Variants in TMC5 observed in about 807,000 individuals in gnomAD.
The protein encoded by TMC5 is transmembrane channel-like protein 5.
A neutral mutation model predicts 110.5 loss-of-function variants in TMC5; 86 were observed. The observed-to-expected ratio is 0.78, with a 90% CI of 0.65 to 0.93. The LOEUF is 0.93. TMC5 is among the 40% of genes least tolerant of loss of function. TMC5 has a pLI of 0.00. For synonymous variants in TMC5, 455 were observed against 439.5 expected (o/e 1.04, Z -0.44); for missense variants, 1,144 against 1,222.8 (o/e 0.94, Z 0.96).
In TMC5 at chr16:19,494,347, T is replaced by C. The variant is rs776397319; in HGVS notation, c.2912T>C (p.Leu971Pro). The change falls in exon 20 of 22, where the codon CTG (leucine) becomes CCG (proline). Residue 971 changes from leucine (L) to proline (P), a missense_variant. By Grantham distance (98) the Leu-to-Pro change is moderately conservative. Coordinates refer to ENST00000542583, the MANE Select transcript of TMC5 (RefSeq NM_001261841.2). ...EKKANPSSLVLERREVEQQGF... is the reference protein window; with the variant it reads ...EKKANPSSLVPERREVEQQGF... ...AAAGCAAACCCCAGCTCACTTGTTC[T>C]GGAAAGGAGAGAGGTGGAGGTGAGT... 8.1e-6 allele frequency: 13 copies of C among 1,613,588 alleles called. No homozygotes were observed. The South Asian group carries it at 9.9e-5, about 12-fold the overall frequency.
rs1967697070 is a variant in TMC5 at position 19,449,435 on chromosome 16, T to A, written c.959-107T>A. On this transcript the variant is annotated intron_variant, in intron 4 of 21. Coordinates refer to ENST00000542583, the MANE Select transcript of TMC5 (RefSeq NM_001261841.2). ...TAGAACCTCAAAGACCAGGTCTCAG[T>A]CTTATTAGCCGTTACGAACCACTAT... The A allele has an allele frequency of 8.7e-6, 8 of 914,522 alleles. No homozygotes were observed. The East Asian group carries it at 1.9e-4, about 22-fold the overall frequency. 56.7% of individuals were successfully genotyped at this position (914,522 alleles called of 1,614,324 possible).
intron 20 of TMC5, among the ~76,000 whole-genome samples, chr16:19,494,874 G>C (rs182547285): frequency 6.6e-6 from 1 of 151,850 alleles, no homozygotes; most frequent in African/African-American, 2.4e-5. Context: ...CTGGGGTTAC[G>C]GTGAACAAAA....
At chr16:19,458,576 G>A (rs1277243534) in intron 5 of TMC5, among the ~76,000 whole-genome samples, 1 of 152,170 alleles carries the variant, frequency 6.6e-6, no homozygotes, top group African/African-American at 2.4e-5. Flanking sequence ...AGCTCTCAAT[G>A]ATTTCAGGGA....
At chr16:19,417,476 C>T (rs1198075864), upstream of TMC5, among the ~76,000 whole-genome samples, 4 of 148,952 alleles carry the variant, frequency 2.7e-5, no homozygotes, top group East Asian at 5.9e-4. Context: ...TGGAGCATCA[C>T]GTTCCATTCT....
At chr16:19,462,551 A>T in intron 6 of TMC5, 1 of 702,034 alleles carries the variant, frequency 1.4e-6, no homozygotes. Flanking sequence ...GAGCAAAGGC[A>T]CATCTTACGT....
chr16:19,487,525 A>G (rs1968777647), intron 17 of TMC5, among the ~76,000 whole-genome samples, 199 bp downstream of exon 17: 2 of 152,078 alleles, frequency 1.3e-5, no homozygotes, highest in Non-Finnish European at 2.9e-5. Flanking sequence ...AACATGGTGA[A>G]ACCCTGTCTC....
chr16:19,468,682 C>A (rs1314560803), intron 9 of TMC5, among the ~76,000 whole-genome samples: 1 of 152,100 alleles, frequency 6.6e-6, no homozygotes, highest in Non-Finnish European at 1.5e-5. Flanking sequence ...GAAGATGCTA[C>A]CCTGCTGGCT....
chr16:19,482,622 T>C (rs1313934252), intron 15 of TMC5, among the ~76,000 whole-genome samples: 2 of 152,190 alleles, frequency 1.3e-5, no homozygotes, highest in African/African-American at 4.8e-5. Context: ...ATGCAAACTT[T>C]ACTTTGCATC....
chr16:19,454,038 C>T (rs553910341), intron 5 of TMC5, among the ~76,000 whole-genome samples: 2 of 151,924 alleles, frequency 1.3e-5, no homozygotes, highest in African/African-American at 4.8e-5. Flanking sequence ...ATGAATGATA[C>T]ACCAGCATCT....
At chr16:19,484,449 G>C (rs529589060) in intron 15 of TMC5, among the ~76,000 whole-genome samples, 6 of 152,104 alleles carry the variant, frequency 3.9e-5, no homozygotes, top group Non-Finnish European at 5.9e-5. Flanking sequence ...AAATGGTACA[G>C]ATACCTACTC....
chr16:19,466,041 TCAGGAGA>T (rs1597196948), intron 8 of TMC5, 34 bp from the exon 9 acceptor site: 17 of 1,606,934 alleles, frequency 1.1e-5, no homozygotes, highest in Middle Eastern at 3.3e-4. Context: ...ACCTTTTTTT[TCAGGAGA>T]TCCACCTGAC....
intron 1 of TMC5, chr16:19,411,610 C>G (rs1230250272): frequency 1.3e-5 from 2 of 152,210 alleles, no homozygotes; most frequent in African/African-American, 2.4e-5. Flanking sequence ...CTTCTGGGAT[C>G]CTTTTCCCTA....
chr16:19,465,359 C>A (rs978191424), intron 8 of TMC5, among the ~76,000 whole-genome samples: 1 of 151,990 alleles, frequency 6.6e-6, no homozygotes, highest in African/African-American at 2.4e-5. Context: ...CATGGCAAAA[C>A]CCCATCTCTA....
intron 19 of TMC5, among the ~76,000 whole-genome samples, chr16:19,493,465 CT>C (rs1555486910): frequency 1.3e-4 from 10 of 74,802 alleles, no homozygotes; most frequent in South Asian, 1.2e-3. Flanking sequence ...CTCTCTCTCT[CT>C]TTTTTTTTTT....
intron 15 of TMC5, among the ~76,000 whole-genome samples, chr16:19,486,173 A>G (rs866677158): frequency 4.6e-5 from 7 of 152,268 alleles, no homozygotes; most frequent in South Asian, 4.2e-4. Flanking sequence ...AGTCTCACAC[A>G]CTGAGTGCCT....
chr16:19,430,984 G>A lies in TMC5; in HGVS notation c.-80+344G>A, dbSNP rs139885473. On this transcript the variant is annotated intron_variant, in intron 2 of 21. Transcript: ENST00000542583. ...AGCAATTCTCCTGCCTCAGCCTCCT[G>A]AGTACCTGAGATTACAGGCACGCGC... Among the ~76,000 whole-genome samples the A allele has an allele frequency of 2.8e-3, 417 of 149,970 alleles. 3 individuals are homozygous for A. The highest frequency in any genetic ancestry group is 9.7e-3 in the African/African-American group (393 of 40,712).
chr16:19,462,280 A>G (rs1283809641), intron 6 of TMC5, among the ~76,000 whole-genome samples: 5 of 152,156 alleles, frequency 3.3e-5, no homozygotes. Context: ...TAGGGTGTGT[A>G]GCAGCATCTC....
At chr16:19,481,538 TC>T in intron 15 of TMC5, 73 bp downstream of exon 15, 1 of 1,102,864 alleles carries the variant, frequency 9.1e-7, no homozygotes, top group Non-Finnish European at 1.4e-6. Flanking sequence ...GGTGGCAAAG[TC>T]CCAGAATCTG....
Position 19,449,586 on chromosome 16 carries a change from G to C in TMC5, c.1003G>C (p.Gly335Arg). 6.2e-7 allele frequency: 1 copy of C among 1,614,158 alleles called. No homozygotes were observed. The change falls in exon 5 of 22, where the codon GGA (glycine) becomes CGA (arginine). Residue 335 changes from glycine (G) to arginine (R), a missense_variant. Coordinates refer to ENST00000542583, the MANE Select transcript of TMC5 (RefSeq NM_001261841.2). The part of the protein sequence containing the change: ...VGESGPVHAY[G>R]NPPLSECDWH... ...TGAAAGTGGTCCTGTCCATGCTTAT[G>C]GAAACCCACCATTGTCTGAATGTGA...
Sources: gnomAD v4.1 joint callset for allele counts (sites outside exome capture counted in the v4.1 genomes callset) on GRCh38, gnomAD v4.1.1 for gene constraint, MANE v1.5 for transcripts, NCBI Gene and HGNC (gene_info 2026-07-23, HGNC 2026-07-21) for gene names.